The following WWOX variants were observed in gnomAD, a reference collection of about 807,000 sequenced individuals.
WWOX encodes WW domain containing oxidoreductase, also known as WW domain-containing oxidoreductase.
In WWOX, 69 loss-of-function variants were observed where a neutral mutation model predicts 46.2. The observed-to-expected ratio is 1.49, with a 90% CI of 1.23 to 1.82. WWOX has a LOEUF of 1.82. Ranked by LOEUF, WWOX falls within the 40% of genes most tolerant of loss-of-function variation. The probability of loss-of-function intolerance (pLI) is 0.00; values close to 1 mark genes in which losing one functional copy is unlikely to be tolerated. For synonymous variants in WWOX, 359 were observed against 202.6 expected, an observed-to-expected ratio of 1.77 and a Z score of -6.56; for missense variants, 919 against 542.6, an observed-to-expected ratio of 1.69 and a Z score of -6.89.
intron 5 of WWOX, among the ~76,000 whole-genome samples, chr16:78,215,840 C>T (rs528502342): frequency 1.6e-4 from 25 of 151,764 alleles, no homozygotes; most frequent in Admixed American, 7.9e-4. Context: ...GCAGGAGAAT[C>T]GCTTGAACCT....
At chr16:78,263,243 C>CG (rs548348845) in intron 5 of WWOX, among the ~76,000 whole-genome samples, 132 of 152,330 alleles carry the variant, frequency 8.7e-4, no homozygotes, top group African/African-American at 3.0e-3. Context: ...AATAAATACA[C>CG]TGTGTCCTCT....
intron 8 of WWOX, among the ~76,000 whole-genome samples, chr16:78,609,747 G>C (rs577164232): frequency 3.9e-5 from 6 of 152,152 alleles, no homozygotes; most frequent in East Asian, 1.9e-4. Flanking sequence ...GAAAACAAAG[G>C]GGTGAGGTGG....
intron 5 of WWOX, among the ~76,000 whole-genome samples, chr16:78,351,468 A>G (rs2081182321): frequency 6.6e-6 from 1 of 152,152 alleles, no homozygotes; most frequent in Non-Finnish European, 1.5e-5. Flanking sequence ...GGGATATCAT[A>G]TACGCTTTAG....
chr16:78,765,400 C>T (rs903558520), intron 8 of WWOX, among the ~76,000 whole-genome samples: 20 of 152,246 alleles, frequency 1.3e-4, no homozygotes, highest in Middle Eastern at 6.8e-3. Context: ...GATTCGGGGC[C>T]GGGCACGGTG....
At chr16:79,131,696 A>G (rs1436688198) in intron 8 of WWOX, among the ~76,000 whole-genome samples, 1 of 151,736 alleles carries the variant, frequency 6.6e-6, no homozygotes, top group Non-Finnish European at 1.5e-5. Flanking sequence ...TTAACTTTTC[A>G]AAAACAGGAC....
At chr16:78,533,176 C>G (rs1388646178) in intron 8 of WWOX, among the ~76,000 whole-genome samples, 1 of 152,126 alleles carries the variant, frequency 6.6e-6, no homozygotes, top group Non-Finnish European at 1.5e-5. Context: ...CTGAGGCTAT[C>G]TTTACAGGTC....
At chr16:78,887,005 T>C (rs1018824959) in intron 8 of WWOX, among the ~76,000 whole-genome samples, 10 of 151,946 alleles carry the variant, frequency 6.6e-5, no homozygotes, top group African/African-American at 2.4e-4. Flanking sequence ...TGAGTTTTCA[T>C]ATTGTCAGTC....
chr16:78,825,414 G>A (rs182465006), intron 8 of WWOX: 2 of 326,382 alleles, frequency 6.1e-6, no homozygotes, highest in Admixed American at 3.0e-5. Context: ...CACCCATCAC[G>A]ACAGTAACAA....
At chr16:78,389,592 G>C (rs2082135971) in intron 6 of WWOX, among the ~76,000 whole-genome samples, 3 of 152,200 alleles carry the variant, frequency 2.0e-5, no homozygotes, top group African/African-American at 7.2e-5. Context: ...GTCCTTGGGA[G>C]TAGATGCTAT....
intron 5 of WWOX, among the ~76,000 whole-genome samples, chr16:78,206,986 G>A (rs1444895822): frequency 2.0e-5 from 3 of 152,178 alleles, no homozygotes; most frequent in African/African-American, 7.2e-5. Flanking sequence ...CATCAAGATA[G>A]ATTCCTTGTT....
intron 5 of WWOX, among the ~76,000 whole-genome samples, chr16:78,260,384 A>AT (rs1486971371): frequency 1.3e-5 from 2 of 151,712 alleles, no homozygotes; most frequent in Non-Finnish European, 2.9e-5. Flanking sequence ...TGTAAGGCTC[A>AT]TTTACATTAC....
At chr16:78,381,979 C>T (rs1258746150) in intron 5 of WWOX, among the ~76,000 whole-genome samples, 2 of 152,190 alleles carry the variant, frequency 1.3e-5, no homozygotes, top group Non-Finnish European at 2.9e-5. Flanking sequence ...GATCTTCCTG[C>T]CGCAGCCTCC....
chr16:78,895,949 C>G (rs140534999), intron 8 of WWOX: 117 of 152,270 alleles, frequency 7.7e-4, no homozygotes, highest in African/African-American at 2.6e-3. Context: ...GGTCTTGACG[C>G]TGACTTAACA....
At chr16:78,754,919 T>A (rs1597554109) in intron 8 of WWOX, among the ~76,000 whole-genome samples, 1 of 151,996 alleles carries the variant, frequency 6.6e-6, no homozygotes, top group East Asian at 1.9e-4. Context: ...GTGGTACTGC[T>A]GTCCCCAGGG....
At chr16:78,832,797 A>G (rs1314437356) in intron 8 of WWOX, among the ~76,000 whole-genome samples, 1 of 152,138 alleles carries the variant, frequency 6.6e-6, no homozygotes, top group African/African-American at 2.4e-5. Flanking sequence ...GGAAACCTTG[A>G]GCTTCTTCTG....
chr16:78,156,038 T>G (rs2034585070), intron 4 of WWOX, among the ~76,000 whole-genome samples: 2 of 152,220 alleles, frequency 1.3e-5, no homozygotes, highest in Admixed American at 6.5e-5. Context: ...AATGGAGTTG[T>G]CTATTGCAGC....
intron 8 of WWOX, among the ~76,000 whole-genome samples, chr16:78,826,303 G>T (rs1401213282): frequency 6.6e-6 from 1 of 152,188 alleles, no homozygotes; most frequent in Non-Finnish European, 1.5e-5. Flanking sequence ...CCAAGATCGT[G>T]CCATTGCACT....
chr16:78,213,198 C>G (rs887356212), intron 5 of WWOX, among the ~76,000 whole-genome samples: 4 of 145,280 alleles, frequency 2.8e-5, no homozygotes, highest in African/African-American at 1.0e-4. Context: ...CTGCAGAGAG[C>G]TGAGATCATG....
intron 8 of WWOX, among the ~76,000 whole-genome samples, chr16:79,010,529 C>T (rs2047282931): frequency 6.6e-6 from 1 of 152,104 alleles, no homozygotes; most frequent in Non-Finnish European, 1.5e-5. Flanking sequence ...CAGATTAAAG[C>T]CCCTGCCCTG....
Sources: allele counts gnomAD v4.1 joint callset (sites outside exome capture counted in the v4.1 genomes callset), GRCh38; gene constraint gnomAD v4.1.1; transcripts MANE v1.5; gene names NCBI Gene and HGNC (gene_info 2026-07-23, HGNC 2026-07-21).